C1orf94: variants seen among roughly 807,000 people sequenced by gnomAD.
C1orf94 encodes the protein uncharacterized protein C1orf94.
A neutral mutation model predicts 53.6 loss-of-function variants in C1orf94; 45 were observed. That is an observed-to-expected ratio of 0.84 (90% confidence interval 0.66 to 1.08). The LOEUF is 1.08. Ranked by LOEUF, C1orf94 falls within the 50% of genes least tolerant of loss-of-function variation. C1orf94 has a pLI of 0.00. For missense variants in C1orf94, 762 were observed against 738.9 expected (o/e 1.03, Z -0.36); for synonymous variants, 304 against 296.1 (o/e 1.03, Z -0.27).
intron 1 of C1orf94, among the ~76,000 whole-genome samples, chr1:34,169,127 T>A (rs987331773): frequency 6.6e-6 from 1 of 152,062 alleles, no homozygotes; most frequent in South Asian, 2.1e-4. Flanking sequence ...CTAACTTCTC[T>A]GTGAGGAAAG....
chr1:34,170,651 A>G (rs1642132590), intron 1 of C1orf94, among the ~76,000 whole-genome samples: 1 of 151,850 alleles, frequency 6.6e-6, no homozygotes, highest in African/African-American at 2.4e-5. Context: ...CAGGGTCTGT[A>G]TTGTATCTGG....
upstream of C1orf94, among the ~76,000 whole-genome samples, chr1:34,173,429 C>T (rs976720765): frequency 1.3e-5 from 2 of 152,116 alleles, no homozygotes; most frequent in Admixed American, 6.5e-5. Flanking sequence ...AGGCCATTCC[C>T]ACGTTTCTGA....
chr1:34,175,044 C>T (rs1642202721), upstream of C1orf94, among the ~76,000 whole-genome samples: 2 of 152,016 alleles, frequency 1.3e-5, no homozygotes, highest in Admixed American at 6.6e-5. Flanking sequence ...TTAAAACAAC[C>T]CCATGTGGCT....
At chr1:34,178,191 C>A in intron 1 of C1orf94, 82 bp downstream of exon 1, 3 of 1,397,790 alleles carry the variant, frequency 2.1e-6, no homozygotes, top group Non-Finnish European at 2.9e-6. Flanking sequence ...TTCTGGCCCA[C>A]TGTTGAGGCT....
chr1:34,214,166 C>T (rs1037390470), intron 6 of C1orf94, among the ~76,000 whole-genome samples: 6 of 152,230 alleles, frequency 3.9e-5, no homozygotes, highest in Admixed American at 1.3e-4. Context: ...ATCCCTGCAG[C>T]GGGGGAGGTT....
At chr1:34,184,142 C>T (rs1385426239) in intron 1 of C1orf94, among the ~76,000 whole-genome samples, 1 of 152,060 alleles carries the variant, frequency 6.6e-6, no homozygotes, top group East Asian at 1.9e-4. Flanking sequence ...CAGATGAGAC[C>T]CCTGCACTGT....
intron 1 of C1orf94, among the ~76,000 whole-genome samples, chr1:34,186,184 A>G (rs1377885171): frequency 6.6e-6 from 1 of 152,232 alleles, no homozygotes. Flanking sequence ...ATAAGGAGAC[A>G]GGTGGATTAG....
intron 4 of C1orf94, among the ~76,000 whole-genome samples, chr1:34,203,937 A>G (rs1301574960): frequency 1.3e-5 from 2 of 152,196 alleles, no homozygotes; most frequent in Admixed American, 1.3e-4. Flanking sequence ...AAGATTCTCC[A>G]TGCCTAAGAT....
At chr1:34,169,609 G>A (rs1571330607) in intron 1 of C1orf94, among the ~76,000 whole-genome samples, 1 of 98,754 alleles carries the variant, frequency 1.0e-5, no homozygotes, top group African/African-American at 3.5e-5. Context: ...GAGAGAGAGA[G>A]AGAGAGAGAG....
In C1orf94 at chr1:34,197,106, G is replaced by A. The variant is rs1223593231; in HGVS notation, c.321-119G>A. 1 of 906,830 alleles carries A rather than the reference G, an allele frequency of 1.1e-6. No individual in the cohort carries two copies. Among genetic ancestry groups the A allele is most frequent in the East Asian group, 2.7e-5 (1 of 37,542 alleles). 56.2% of individuals were successfully genotyped at this position (906,830 alleles called of 1,614,324 possible). A position where few individuals can be genotyped will look rare whatever the true frequency, so the allele number is the denominator to read the frequency against. Reference sequence around the variant, plus strand: ...TGTGTCTGCTGGGTTATCTTGCCTGGAAGTGTGTTTTTGTCATGTTATGCA... The same window carrying A: ...TGTGTCTGCTGGGTTATCTTGCCTGAAAGTGTGTTTTTGTCATGTTATGCA... On this transcript the variant is annotated intron_variant, in intron 1 of 6. Transcript: ENST00000488417. The surrounding 1 kb of genome is among the most constrained non-coding windows in gnomAD (Gnocchi z 4.1).
chr1:34,178,993 C>CTCT (rs1642273665), intron 1 of C1orf94, among the ~76,000 whole-genome samples: 4 of 152,224 alleles, frequency 2.6e-5, no homozygotes, highest in Non-Finnish European at 5.9e-5. Flanking sequence ...TAATTAAAGA[C>CTCT]TAACCGATAA....
At chr1:34,168,526 G>T (rs997150147) in intron 1 of C1orf94, among the ~76,000 whole-genome samples, 9 of 152,132 alleles carry the variant, frequency 5.9e-5, no homozygotes, top group African/African-American at 1.7e-4. Context: ...GAAATAGAAG[G>T]TGTATTAATT....
At chr1:34,207,166 G>A (rs1642809966) in intron 4 of C1orf94, among the ~76,000 whole-genome samples, 3 of 152,060 alleles carry the variant, frequency 2.0e-5, no homozygotes, top group Admixed American at 1.3e-4. Flanking sequence ...GGGTACTTTG[G>A]GTTTTGAGCC....
intron 1 of C1orf94, among the ~76,000 whole-genome samples, chr1:34,167,685 T>C (rs1213811456): frequency 6.6e-6 from 1 of 151,880 alleles, no homozygotes; most frequent in Non-Finnish European, 1.5e-5. Flanking sequence ...GGTCCTGCTT[T>C]GGGAGGATGC....
intron 3 of C1orf94, among the ~76,000 whole-genome samples, chr1:34,201,248 G>A (rs1171316325): frequency 2.0e-5 from 3 of 152,184 alleles, no homozygotes; most frequent in South Asian, 2.1e-4. Context: ...CAAGGGTCAC[G>A]TCAGCATTAT....
intron 1 of C1orf94, among the ~76,000 whole-genome samples, chr1:34,193,740 A>C (rs1484679995): frequency 6.6e-6 from 1 of 152,242 alleles, no homozygotes; most frequent in East Asian, 1.9e-4. Context: ...ACATATATGG[A>C]TGACTGGCTT....
chr1:34,184,078 T>G (rs529730764), intron 1 of C1orf94, among the ~76,000 whole-genome samples: 7 of 152,158 alleles, frequency 4.6e-5, no homozygotes, highest in Non-Finnish European at 8.8e-5. Flanking sequence ...ACTACTGGAC[T>G]GGGCTTGGTA....
intron 1 of C1orf94, among the ~76,000 whole-genome samples, chr1:34,181,494 A>G (rs892926233): frequency 6.6e-6 from 1 of 152,214 alleles, no homozygotes; most frequent in Non-Finnish European, 1.5e-5. Flanking sequence ...CATTCATTCA[A>G]TTATTCATTC....
At chr1:34,187,547 T>C (rs769654884) in intron 1 of C1orf94, among the ~76,000 whole-genome samples, 24 of 151,984 alleles carry the variant, frequency 1.6e-4, no homozygotes, top group Non-Finnish European at 2.9e-4. Flanking sequence ...TTTAATATCT[T>C]TGTTGCAACG....
Sources: allele counts gnomAD v4.1 joint callset (sites outside exome capture counted in the v4.1 genomes callset), GRCh38; gene constraint gnomAD v4.1.1; non-coding constraint Gnocchi (gnomAD v3.1); transcripts MANE v1.5; gene names NCBI Gene and HGNC (gene_info 2026-07-23, HGNC 2026-07-21).